ZFYVE26: variants seen among roughly 807,000 people sequenced by gnomAD.
ZFYVE26 encodes the protein zinc finger FYVE domain-containing protein 26.
A neutral mutation model predicts 276.5 loss-of-function variants in ZFYVE26; 181 were observed. The ratio of observed to expected loss-of-function variants is 0.65; its 90% CI spans 0.58 to 0.74. ZFYVE26 has a LOEUF of 0.74. ZFYVE26 is among the 30% of genes least tolerant of loss of function. ZFYVE26 has a pLI of 0.00. For missense variants in ZFYVE26, 2,821 were observed against 3,097.9 expected (o/e 0.91, Z 2.12); for synonymous variants, 1,129 against 1,203.1 (o/e 0.94, Z 1.27).
exon 14 of ZFYVE26, chr14:67,729,661 G>C: frequency 1.7e-6 from 1 of 597,614 alleles, no homozygotes; most frequent in Non-Finnish European, 3.1e-6. Flanking sequence ...TGTCGCTGTT[G>C]GTTATGCCAT....
intron 41 of ZFYVE26, among the ~76,000 whole-genome samples, chr14:67,748,861 C>T (rs2038559011): frequency 6.6e-6 from 1 of 152,172 alleles, no homozygotes; most frequent in Admixed American, 6.5e-5. Flanking sequence ...TACAAATAAG[C>T]TAAGAATTTA....
chr14:67,811,394 G>C (rs575039465), intron 3 of ZFYVE26, among the ~76,000 whole-genome samples: 14 of 152,152 alleles, frequency 9.2e-5, no homozygotes, highest in Admixed American at 6.5e-4. Context: ...TCTGGTGACC[G>C]AGAGGAGCAA....
rs776916725 is a variant in ZFYVE26 at position 67,770,952 on chromosome 14, C to T, written c.5484+1095G>A. Reference sequence around the variant, plus strand: ...AAGGAAAATACCTGACTCTGCTTTCCTAATATCTTTTTTTTTTTTTAAATC... The same window carrying T: ...AAGGAAAATACCTGACTCTGCTTTCTTAATATCTTTTTTTTTTTTTAAATC... On this transcript the variant is annotated intron_variant, in intron 28 of 41. Transcript: ENST00000347230. 1.8e-4 allele frequency among the ~76,000 whole-genome samples: 11 copies of T among 60,864 alleles called. No homozygotes were observed. In the South Asian group the frequency reaches 2.1e-3, roughly 12 times the overall value. The allele number at this position is 60,864 out of a possible 152,430, so 39.9% of individuals were successfully genotyped here.
chr14:67,798,614 T>C lies in ZFYVE26; in HGVS notation c.1648A>G (p.Asn550Asp), dbSNP rs749005941. Residue 550 changes from asparagine to aspartate, a missense_variant, in exon 11 of 42, where the codon AAT (asparagine) becomes GAT (aspartate). Asn to Asp is a conservative substitution (Grantham distance 23, BLOSUM62 1). Coordinates refer to ENST00000347230, the MANE Select transcript of ZFYVE26 (RefSeq NM_015346.4). ...CTGGCCAGGTAAGTTGAGAAGAGATTTGCAGCACCTACAAAAACATGTACA... is the reference window on the plus strand; with the variant it reads ...CTGGCCAGGTAAGTTGAGAAGAGATCTGCAGCACCTACAAAAACATGTACA... ...NDSLSSPGAANLFSTYLARCQ... is the reference protein window; with the variant it reads ...NDSLSSPGAADLFSTYLARCQ... 8 of 1,613,470 alleles carry C rather than the reference T, an allele frequency of 5.0e-6. No homozygotes were observed. Among genetic ancestry groups the C allele is most frequent in the South Asian group, 1.1e-5 (1 of 91,060 alleles).
Position 67,755,136 on chromosome 14 carries a change from T to A in ZFYVE26, c.6901A>T (p.Ile2301Phe), listed in dbSNP as rs774873121. The change falls in exon 37 of 42, where the codon ATC (isoleucine) becomes TTC (phenylalanine). Residue 2301 changes from isoleucine (I) to phenylalanine (F), a missense_variant. Coordinates refer to ENST00000347230, the MANE Select transcript of ZFYVE26 (RefSeq NM_015346.4). ...CTGCGGGATGTTTCTTGGAGGTAGA[T>A]CTTCAGGTGGTCCTTGGCCTTAAGT... ...WLLKAKDHLK[I>F]YLQETSRSSG... is the part of the protein sequence containing the mutation. 1.2e-6 allele frequency: 2 copies of A among 1,614,102 alleles called. No individual in the cohort carries two copies. The highest frequency in any genetic ancestry group is 1.7e-5 in the Admixed American group (1 of 60,010).
intron 41 of ZFYVE26, chr14:67,750,691 C>T: frequency 2.9e-6 from 1 of 350,344 alleles, no homozygotes; most frequent in Non-Finnish European, 5.5e-6. Context: ...GAGATACCTG[C>T]TTACTCTGGG....
intron 13 of ZFYVE26, among the ~76,000 whole-genome samples, chr14:67,731,207 C>CTTTTTTTTTTTTTTTTTT (rs71129853): frequency 1.1e-5 from 1 of 90,622 alleles, no homozygotes; most frequent in Admixed American, 1.4e-4. Flanking sequence ...TTCTTTCTTT[C>CTTTTTTTTTTTTTTTTTT]TTTTTTTTTT....
chr14:67,743,334 T>C (rs1369891125), downstream of ZFYVE26, among the ~76,000 whole-genome samples: 1 of 151,718 alleles, frequency 6.6e-6, no homozygotes, highest in Non-Finnish European at 1.5e-5. Context: ...CTACAAAAAA[T>C]ACAAAAAGTA....
chr14:67,794,261 G>A (rs771322831), intron 12 of ZFYVE26, 22 bp from the exon 13 acceptor site: 14 of 1,611,538 alleles, frequency 8.7e-6, no homozygotes, highest in African/African-American at 1.3e-5. Context: ...GGGAAGAAGA[G>A]AGAAAGTCAA....
Position 67,815,794 on chromosome 14 carries a change from A to G in ZFYVE26, c.170T>C (p.Leu57Ser), listed in dbSNP as rs1371075102. ...PKRVEDILQA[L>S]VVCPNLLRCG... Reference sequence around the variant, plus strand: ...CCTCAGCAGATTTGGACACACCACCAATGCCTGAAGTATGTCTTCTACCCT... The same window carrying G: ...CCTCAGCAGATTTGGACACACCACCGATGCCTGAAGTATGTCTTCTACCCT... The change falls in exon 2 of 42, where the codon TTG becomes TCG. Residue 57 changes from leucine to serine, a missense_variant. Leu to Ser is a moderately radical substitution (Grantham distance 145). Transcript: ENST00000347230. The G allele has an allele frequency of 1.9e-6, 3 of 1,613,496 alleles. No homozygotes were observed. The highest frequency in any genetic ancestry group is 2.5e-6 in the Non-Finnish European group (3 of 1,180,002).
chr14:67,762,362 GC>G lies in ZFYVE26; in HGVS notation c.6209del (p.Gly2070AlafsTer21). On this transcript the variant is annotated frameshift_variant, in exon 34 of 42. Coordinates refer to ENST00000347230, the MANE Select transcript of ZFYVE26 (RefSeq NM_015346.4). LOFTEE classifies it high-confidence loss of function. ...GGTTCCCGGCTTTGAGGCAGGCCAT[GC>G]CCCAAGCATGCCACGCCCCGGTGGT... ...LDTTGAWHAW[G>X]MACLKAGNLT... is the part of the protein sequence containing the mutation. 2 of 1,614,206 alleles carry G rather than the reference GC, an allele frequency of 1.2e-6. No individual in the cohort carries two copies. Among genetic ancestry groups the G allele is most frequent in the Non-Finnish European group, 1.7e-6 (2 of 1,180,038 alleles).
At position 67,783,307 on chromosome 14, in the gene ZFYVE26, G is replaced by C. The variant is rs2039557198; in HGVS notation, c.3845C>G (p.Pro1282Arg). ...TPSSPRTTENPTLERKPYSSP... is the reference protein window; with the variant it reads ...TPSSPRTTENRTLERKPYSSP... ...GGAGTAGGGCTTTCTTTCCAATGTA[G>C]GGTTCTCAGTTGTCCTCGGGGAGCT... The change falls in exon 21 of 42, where the codon CCT becomes CGT. Residue 1282 changes from proline to arginine, a missense_variant. Pro to Arg is a moderately radical substitution (Grantham distance 103). Transcript: ENST00000347230. 1 of 1,613,200 alleles carries C rather than the reference G, an allele frequency of 6.2e-7. No homozygotes were observed. The highest frequency in any genetic ancestry group is 1.3e-5 in the African/African-American group (1 of 74,906).
At chr14:67,729,909 G>T in intron 13 of ZFYVE26, 1 of 433,222 alleles carries the variant, frequency 2.3e-6, no homozygotes, top group Non-Finnish European at 4.6e-6. Context: ...GGAAGCCCAG[G>T]GTGAAATCTC....
At chr14:67,804,692 C>G (rs1340964231) in intron 8 of ZFYVE26, among the ~76,000 whole-genome samples, 2 of 152,166 alleles carry the variant, frequency 1.3e-5, no homozygotes, top group Non-Finnish European at 2.9e-5. Context: ...TAAGTCCAGG[C>G]TAAGTTACCA....
At chr14:67,805,171 C>T (rs750928558) in intron 8 of ZFYVE26, 46 bp downstream of exon 8, 2 of 1,568,392 alleles carry the variant, frequency 1.3e-6, no homozygotes, top group Admixed American at 1.7e-5. Context: ...AGCACAGGGT[C>T]AGCTGTGCCC....
chr14:67,739,107 G>T (rs146388184), intron 13 of ZFYVE26, among the ~76,000 whole-genome samples: 78 of 152,276 alleles, frequency 5.1e-4, no homozygotes, highest in African/African-American at 1.6e-3. Context: ...AATCATGGCC[G>T]GTGGGATGTG....
chr14:67,766,461 A>T lies in ZFYVE26; in HGVS notation c.5791-14T>A. ...GGCGCTGGGGGCCTGGCCGGGGTGG[A>T]AGAAGGGAGAACACACGGTGAGTCC... On this transcript the variant is annotated splice_polypyrimidine_tract_variant and intron_variant, in intron 31 of 41. Transcript: ENST00000347230. The T allele has an allele frequency of 8.7e-6, 14 of 1,611,622 alleles. No individual in the cohort carries two copies. The highest frequency in any genetic ancestry group is 1.2e-5 in the Non-Finnish European group (14 of 1,179,502).
rs775357093 is a variant in ZFYVE26 at position 67,753,656 on chromosome 14, G to A, written c.7188+51C>T. On this transcript the variant is annotated intron_variant, in intron 39 of 41. Coordinates refer to ENST00000347230, the MANE Select transcript of ZFYVE26 (RefSeq NM_015346.4). ...CTAAAGAATAATCTCTCCCGGAACT[G>A]TGGTCAGGTGCTGATTGTCCTCAGT... The A allele has an allele frequency of 6.4e-6, 10 of 1,570,388 alleles. No homozygotes were observed. The Admixed American group carries it at 1.0e-4, about 16-fold the overall frequency.
At chr14:67,777,515 T>A in intron 25 of ZFYVE26, 44 bp downstream of exon 25, 13 of 1,595,474 alleles carry the variant, frequency 8.1e-6, no homozygotes, top group Non-Finnish European at 1.1e-5. Context: ...CCTCCTTACC[T>A]TGGATCCCAC....
Sources: allele counts gnomAD v4.1 joint callset (sites outside exome capture counted in the v4.1 genomes callset), GRCh38; gene constraint gnomAD v4.1.1; transcripts MANE v1.5; gene names NCBI Gene and HGNC (gene_info 2026-07-23, HGNC 2026-07-21).